The following PCDH15 variants were observed in gnomAD, a reference collection of about 807,000 sequenced individuals.
PCDH15 encodes the protein protocadherin-15.
A neutral mutation model predicts 178.5 loss-of-function variants in PCDH15; 129 were observed. That is an observed-to-expected ratio of 0.72 (90% CI 0.63 to 0.84). The LOEUF (loss-of-function observed/expected upper bound fraction) is 0.84, where lower values mean the gene tolerates loss of function less well. Ranked by LOEUF, PCDH15 falls within the 40% of genes least tolerant of loss-of-function variation. The pLI, the probability that PCDH15 is intolerant of heterozygous loss-of-function variation, is 0.00. For synonymous variants in PCDH15, 800 were observed against 732.0 expected (o/e 1.09, Z -1.50); for missense variants, 2,230 against 2,099.9 (o/e 1.06, Z -1.21).
chr10:55,277,536 G>C (rs893953797), intron 1 of PCDH15, among the ~76,000 whole-genome samples: 1 of 152,018 alleles, frequency 6.6e-6, no homozygotes, highest in South Asian at 2.1e-4. Context: ...TAGTGAAAAA[G>C]AACCTGTACA....
chr10:54,790,292 ACTAT>A (rs963120158), intron 1 of PCDH15, among the ~76,000 whole-genome samples: 1 of 151,744 alleles, frequency 6.6e-6, no homozygotes, highest in African/African-American at 2.4e-5. Flanking sequence ...GACAGTGACA[ACTAT>A]CTATTAAAAA....
chr10:55,040,494 T>TACA (rs71461272), intron 2 of PCDH15, among the ~76,000 whole-genome samples: 22,088 of 149,708 alleles, frequency 0.15, 1,705 homozygotes, highest in Non-Finnish European at 0.16. Context: ...CCAAAACAAC[T>TACA]ACAACAACAA....
chr10:54,530,325 CTCT>C (rs1449733978), intron 2 of PCDH15, among the ~76,000 whole-genome samples: 2 of 152,096 alleles, frequency 1.3e-5, no homozygotes, highest in Admixed American at 6.6e-5. Flanking sequence ...TACGCATCAC[CTCT>C]TCTTGAAAAT....
intron 2 of PCDH15, among the ~76,000 whole-genome samples, chr10:55,386,108 A>T: frequency 6.6e-6 from 1 of 152,078 alleles, no homozygotes; most frequent in South Asian, 2.1e-4. Context: ...TCTCATTATT[A>T]AAATAAAAGA....
At chr10:54,319,961 C>T (rs12255969) in intron 7 of PCDH15, among the ~76,000 whole-genome samples, 38,322 of 151,842 alleles carry the variant, frequency 0.25, 5,275 homozygotes, top group African/African-American at 0.37. Flanking sequence ...TGTAATAACT[C>T]TGTGGTTCCA....
intron 1 of PCDH15, among the ~76,000 whole-genome samples, chr10:55,307,266 G>A (rs899457840): frequency 2.6e-5 from 4 of 151,962 alleles, no homozygotes; most frequent in African/African-American, 7.2e-5. Context: ...ACTTTGGGAG[G>A]CCGAGGCAGG....
rs115588703 is a variant in PCDH15, at chr10:54,573,180, T to A, written c.92-45303A>T. Among the ~76,000 whole-genome samples the A allele has an allele frequency of 5.8e-3, 881 of 152,264 alleles. 10 individuals are homozygous for A. The highest frequency in any genetic ancestry group is 0.02 in the African/African-American group (847 of 41,570). Reference sequence around the variant, plus strand: ...GATAAAGGATGTCTTTGACCCAAATTCTTGCCAAATCTCCTTCCAAGAGAA... The same window carrying A: ...GATAAAGGATGTCTTTGACCCAAATACTTGCCAAATCTCCTTCCAAGAGAA... On this transcript the variant is annotated intron_variant, in intron 2 of 37. Transcript: ENST00000644397.
intron 2 of PCDH15, among the ~76,000 whole-genome samples, chr10:55,490,873 A>G (rs1840397884): frequency 6.6e-6 from 1 of 151,834 alleles, no homozygotes; most frequent in Non-Finnish European, 1.5e-5. Context: ...AAGCCAGATA[A>G]AAAGCCAATT....
At chr10:55,070,410 A>C (rs1199746174) in intron 2 of PCDH15, among the ~76,000 whole-genome samples, 1 of 151,820 alleles carries the variant, frequency 6.6e-6, no homozygotes, top group Non-Finnish European at 1.5e-5. Context: ...TTATGGTTTT[A>C]GGTCTAACGT....
chr10:54,856,883 T>C (rs2131775441), intron 3 of PCDH15, among the ~76,000 whole-genome samples: 1 of 152,350 alleles, frequency 6.6e-6, no homozygotes, highest in African/African-American at 2.4e-5. Flanking sequence ...TGATAAGAAC[T>C]GTTGTGGCAG....
intron 3 of PCDH15, among the ~76,000 whole-genome samples, chr10:54,516,957 A>G (rs1437555813): frequency 2.0e-5 from 3 of 152,004 alleles, no homozygotes; most frequent in South Asian, 4.1e-4. Flanking sequence ...ATCCAGCCAA[A>G]CTAAGCTTCA....
chr10:54,152,133 CCTA>C (rs2044602235), intron 14 of PCDH15, among the ~76,000 whole-genome samples: 1 of 152,226 alleles, frequency 6.6e-6, no homozygotes, highest in South Asian at 2.1e-4. Context: ...ATTAATACCT[CCTA>C]CTGTGTACTA....
intron 1 of PCDH15, among the ~76,000 whole-genome samples, chr10:55,290,589 TATAC>T (rs1358533463): frequency 6.6e-6 from 1 of 152,124 alleles, no homozygotes; most frequent in Non-Finnish European, 1.5e-5. Context: ...ACCTCTTTAA[TATAC>T]ATAATACCTA....
intron 2 of PCDH15, among the ~76,000 whole-genome samples, chr10:54,960,053 T>A (rs966910554): frequency 6.6e-6 from 1 of 152,144 alleles, no homozygotes; most frequent in Non-Finnish European, 1.5e-5. Context: ...AAGCGTCCAG[T>A]CTTATGACCT....
At chr10:55,462,754 G>A (rs996056515) in intron 2 of PCDH15, among the ~76,000 whole-genome samples, 1 of 151,862 alleles carries the variant, frequency 6.6e-6, no homozygotes, top group African/African-American at 2.4e-5. Context: ...TTTTCCTTAG[G>A]TTTCAACAAA....
chr10:55,052,631 G>A (rs1360508502), intron 2 of PCDH15, among the ~76,000 whole-genome samples: 4 of 150,162 alleles, frequency 2.7e-5, no homozygotes, highest in African/African-American at 7.3e-5. Flanking sequence ...TGGGAGGATC[G>A]CTGGAACCCG....
rs150229220 is a variant in PCDH15 at position 54,893,254 on chromosome 10, ATAAT to A, written c.-29+4192_-29+4195del. ...AAAATTACACTAAAAACCAAAAATG[ATAAT>A]TAATACCCAGATTTAAAAAAATATG... On this transcript the variant is annotated intron_variant, in intron 3 of 5. Transcript: ENST00000458638. Among the ~76,000 whole-genome samples the A allele has an allele frequency of 3.7e-3, 568 of 152,246 alleles. 1 individual carries two copies. The highest frequency in any genetic ancestry group is 7.5e-3 in the African/African-American group (311 of 41,572).
At chr10:55,370,250 C>T (rs1029278636) in intron 2 of PCDH15, among the ~76,000 whole-genome samples, 3 of 151,988 alleles carry the variant, frequency 2.0e-5, no homozygotes, top group Non-Finnish European at 4.4e-5. Flanking sequence ...AATGTGCACA[C>T]TGGCAAAGAA....
At chr10:55,035,793 G>A (rs1011624476) in intron 2 of PCDH15, among the ~76,000 whole-genome samples, 3 of 152,136 alleles carry the variant, frequency 2.0e-5, no homozygotes, top group African/African-American at 4.8e-5. Context: ...GTGTGATAAT[G>A]TAAACAAAAT....
Sources: allele counts gnomAD v4.1 joint callset (sites outside exome capture counted in the v4.1 genomes callset), GRCh38; gene constraint gnomAD v4.1.1; transcripts MANE v1.5; gene names NCBI Gene and HGNC (gene_info 2026-07-23, HGNC 2026-07-21).